The following USP29 variants were observed in gnomAD, a reference collection of about 807,000 sequenced individuals.
USP29 encodes ubiquitin carboxyl-terminal hydrolase 29.
For synonymous variants in USP29, 386 were observed against 387.4 expected, an observed-to-expected ratio of 1.00 and a Z score of 0.04; for missense variants, 1,102 against 1,069.0, an observed-to-expected ratio of 1.03 and a Z score of -0.43.
At chr19:57,120,366 T>A (rs954112016) in intron 1 of USP29, 137 bp downstream of exon 1, 3 of 151,298 alleles carry the variant, frequency 2.0e-5, no homozygotes, top group Non-Finnish European at 4.4e-5. Context: ...GCCTGTAGTG[T>A]CAGATAGTCA....
chr19:57,121,680 G>A (rs1456859553), intron 1 of USP29, among the ~76,000 whole-genome samples: 7 of 146,018 alleles, frequency 4.8e-5, no homozygotes. Flanking sequence ...ACTTACATAT[G>A]TTATATGTAC....
At chr19:57,124,591 C>G (rs1468859879) in intron 3 of USP29, among the ~76,000 whole-genome samples, 1 of 151,866 alleles carries the variant, frequency 6.6e-6, no homozygotes, top group Non-Finnish European at 1.5e-5. Context: ...TCACTGCAAC[C>G]TCCACCTCCA....
At position 57,129,909 on chromosome 19, in the gene USP29, G is replaced by A; in HGVS notation, c.1234G>A (p.Val412Ile). The change falls in exon 4 of 4, where the codon GTT becomes ATT. Residue 412 changes from valine to isoleucine, a missense_variant. Physicochemically the swap from Val to Ile is conservative, Grantham distance 29. Coordinates refer to ENST00000254181, the MANE Select transcript of USP29 (RefSeq NM_020903.3). ...TGAAAATTCATCTCCACAAATGCAT[G>A]TTGGTAGTGCTGCCACCAAAGTGTT... is the stretch of plus-strand genomic sequence containing the variant. ...GDENSSPQMH[V>I]GSAATKVFVC... 3.7e-6 allele frequency: 6 copies of A among 1,614,182 alleles called. No individual in the cohort carries two copies. The highest frequency in any genetic ancestry group is 5.1e-6 in the Non-Finnish European group (6 of 1,180,034).
rs757100716 is a variant in USP29 at position 57,124,427 on chromosome 19, G to A, written c.-17+288G>A. Among the ~76,000 whole-genome samples the A allele has an allele frequency of 5.5e-5, 8 of 146,014 alleles. No homozygotes were observed. In the East Asian group the frequency reaches 8.1e-4, roughly 15 times the overall value. The stretch of plus-strand genomic sequence containing the variant: ...TGCTAATTAGCTAGCACAACAACTC[G>A]CCATCTTACTCCTTTTCCTTACTCC... On this transcript the variant is annotated intron_variant, in intron 3 of 3. Coordinates refer to ENST00000254181, the MANE Select transcript of USP29 (RefSeq NM_020903.3).
chr19:57,120,813 A>AAAAAAG (rs2086791435), intron 1 of USP29, among the ~76,000 whole-genome samples: 1 of 144,788 alleles, frequency 6.9e-6, no homozygotes, highest in Non-Finnish European at 1.5e-5. Flanking sequence ...AAAAAAAAAA[A>AAAAAAG]CAGAAAAAAG....
In USP29 at chr19:57,129,892, C is replaced by T; in HGVS notation, c.1217C>T (p.Ser406Leu). 1 of 1,614,092 alleles carries T rather than the reference C, an allele frequency of 6.2e-7. No homozygotes were observed. Among genetic ancestry groups the T allele is most frequent in the Non-Finnish European group, 8.5e-7 (1 of 1,180,010 alleles). ...NTGKECGDEN[S>L]SPQMHVGSAA... Reference sequence around the variant, plus strand: ...GGGAAAGAATGTGGGGATGAAAATTCATCTCCACAAATGCATGTTGGTAGT... The same window carrying T: ...GGGAAAGAATGTGGGGATGAAAATTTATCTCCACAAATGCATGTTGGTAGT... Residue 406 changes from serine to leucine, a missense_variant, in exon 4 of 4, where the codon TCA (serine) becomes TTA (leucine). Coordinates refer to ENST00000254181, the MANE Select transcript of USP29 (RefSeq NM_020903.3).
chr19:57,131,078 G>C lies in USP29; in HGVS notation c.2403G>C (p.Glu801Asp), dbSNP rs762096945. ...NPGNKNILDA[E>D]NTRGEAKELT... is the part of the protein sequence containing the mutation. ...GAAACAAAAACATTTTAGATGCAGAGAACACAAGAGGTGAAGCCAAGGAAC... is the reference window on the plus strand; with the variant it reads ...GAAACAAAAACATTTTAGATGCAGACAACACAAGAGGTGAAGCCAAGGAAC... The change falls in exon 4 of 4, where the codon GAG becomes GAC. Residue 801 changes from glutamate (E) to aspartate (D), a missense_variant. By Grantham distance (45) the Glu-to-Asp change is conservative (BLOSUM62 2). Coordinates refer to ENST00000254181, the MANE Select transcript of USP29 (RefSeq NM_020903.3). 2.5e-6 allele frequency: 4 copies of C among 1,614,044 alleles called. No homozygotes were observed. The Admixed American group carries it at 5.0e-5, about 20-fold the overall frequency.
Position 57,130,745 on chromosome 19 carries a change from A to C in USP29, c.2070A>C (p.Glu690Asp), listed in dbSNP as rs372569854. The C allele has an allele frequency of 6.2e-7, 1 of 1,614,170 alleles. No individual in the cohort carries two copies. The highest frequency in any genetic ancestry group is 8.5e-7 in the Non-Finnish European group (1 of 1,180,032). ...VHLQEVPQHP[E>D]LQKYEKTNTF... The stretch of plus-strand genomic sequence containing the variant: ...TTCAAGAGGTGCCTCAACATCCAGA[A>C]CTTCAGAAGTATGAGAAAACCAATA... The change falls in exon 4 of 4, where the codon GAA (glutamate) becomes GAC (aspartate). Residue 690 changes from glutamate to aspartate, a missense_variant. Physicochemically the swap from Glu to Asp is conservative, Grantham distance 45. Coordinates refer to ENST00000254181, the MANE Select transcript of USP29 (RefSeq NM_020903.3).
chr19:57,130,123 A>C lies in USP29; in HGVS notation c.1448A>C (p.Glu483Ala). The change falls in exon 4 of 4, where the codon GAA (glutamate) becomes GCA (alanine). Residue 483 changes from glutamate (E) to alanine (A), a missense_variant. Glu to Ala is a moderately radical substitution (Grantham distance 107). Transcript: ENST00000254181. Reference protein sequence around the residue: ...LDLFFKEEELEYNCQMCKQKS... With the variant: ...LDLFFKEEELAYNCQMCKQKS... ...CTTTTCTTTAAAGAAGAAGAGCTTG[A>C]ATATAACTGTCAGATGTGTAAGCAG... 2 of 1,613,964 alleles carry C rather than the reference A, an allele frequency of 1.2e-6. No individual in the cohort carries two copies. The highest frequency in any genetic ancestry group is 1.7e-6 in the Non-Finnish European group (2 of 1,179,992).
chr19:57,128,570 A>G, intron 3 of USP29, 90 bp from the exon 4 acceptor site: 1 of 1,292,646 alleles, frequency 7.7e-7, no homozygotes, highest in Non-Finnish European at 1.0e-6. Flanking sequence ...GACTAAAAAT[A>G]AATCATTATT....
Position 57,129,193 on chromosome 19 carries a change from T to C in USP29, c.518T>C (p.Leu173Pro), listed in dbSNP as rs1332711587. 1.2e-6 allele frequency: 2 copies of C among 1,613,330 alleles called. No homozygotes were observed. Among genetic ancestry groups the C allele is most frequent in the Admixed American group, 3.3e-5 (2 of 59,910 alleles). ...CAAGGTGGGAAGGGGCAAAACACAC[T>C]ATCATCTGATGTACAGACAAATGAG... ...ENQGGKGQNT[L>P]SSDVQTNEDI... Residue 173 changes from leucine to proline, a missense_variant, in exon 4 of 4, where the codon CTA becomes CCA. Coordinates refer to ENST00000254181, the MANE Select transcript of USP29 (RefSeq NM_020903.3).
chr19:57,125,591 C>CT lies in USP29; in HGVS notation c.-17+1460dup, dbSNP rs957187452. Among the ~76,000 whole-genome samples, 9 of 151,680 alleles carry CT rather than the reference C, an allele frequency of 5.9e-5. No individual in the cohort carries two copies. The South Asian group carries it at 1.3e-3, about 21-fold the overall frequency. ...TCAGAGACTAGGATTGCAACCCATCCTTTTTTTTGCTTTCCATTTGCTTGG... is the reference window on the plus strand; with the variant it reads ...TCAGAGACTAGGATTGCAACCCATCCTTTTTTTTTGCTTTCCATTTGCTTGG... On this transcript the variant is annotated intron_variant, in intron 3 of 3. Coordinates refer to ENST00000254181, the MANE Select transcript of USP29 (RefSeq NM_020903.3).
chr19:57,128,790 G>T lies in USP29; in HGVS notation c.115G>T (p.Val39Leu), dbSNP rs1009892941. 8.7e-6 allele frequency: 14 copies of T among 1,614,036 alleles called. No homozygotes were observed. The highest frequency in any genetic ancestry group is 1.2e-5 in the Non-Finnish European group (14 of 1,179,988). Residue 39 changes from valine to leucine, a missense_variant, in exon 4 of 4, where the codon GTG (valine) becomes TTG (leucine). Transcript: ENST00000254181. ...GCAAAGACAAAAGGAAATTAAACTG[G>T]TGGTCACTTTCAAATCTGGAAAATT... ...TVQRQKEIKLVVTFKSGKFIR... is the reference protein window; with the variant it reads ...TVQRQKEIKLLVTFKSGKFIR...
At chr19:57,121,554 TTATA>T (rs200009878) in intron 1 of USP29, among the ~76,000 whole-genome samples, 4 of 140,100 alleles carry the variant, frequency 2.9e-5, no homozygotes, top group African/African-American at 1.1e-4. Flanking sequence ...CTATGTATAC[TTATA>T]TATGTTATAT....
intron 1 of USP29, among the ~76,000 whole-genome samples, chr19:57,121,423 A>G (rs911801764): frequency 1.6e-5 from 2 of 122,808 alleles, no homozygotes; most frequent in Non-Finnish European, 3.9e-5. Context: ...TATATGTTAT[A>G]TATACTTATG....
rs377280930 is a variant in USP29, at chr19:57,128,793, G to A, written c.118G>A (p.Val40Ile). Residue 40 changes from valine (V) to isoleucine (I), a missense_variant, in exon 4 of 4, where the codon GTC becomes ATC. Physicochemically the swap from Val to Ile is conservative, Grantham distance 29 (BLOSUM62 3). Transcript: ENST00000254181. ...VQRQKEIKLV[V>I]TFKSGKFIRI... is the part of the protein sequence containing the mutation. The stretch of plus-strand genomic sequence containing the variant: ...AAGACAAAAGGAAATTAAACTGGTG[G>A]TCACTTTCAAATCTGGAAAATTTAT... 136 of 1,613,888 alleles carry A rather than the reference G, an allele frequency of 8.4e-5. No homozygotes were observed. The highest frequency in any genetic ancestry group is 1.6e-5 in the Non-Finnish European group (19 of 1,179,994).
intron 3 of USP29, among the ~76,000 whole-genome samples, chr19:57,126,037 G>A (rs1467582596): frequency 1.3e-5 from 2 of 152,168 alleles, no homozygotes; most frequent in Non-Finnish European, 2.9e-5. Context: ...AGTTTGGCTG[G>A]ATATGAAATT....
At position 57,128,942 on chromosome 19, in the gene USP29, C is replaced by T. The variant is rs746495447; in HGVS notation, c.267C>T (p.Tyr89=). ...NVFLFIDKLS[Y]RDAKQLNMFL... ...TCTTGTTTATTGACAAATTATCCTA[C>T]AGAGATGCTAAACAGTTGAATATGT... Residue 89 remains tyrosine (Y), a synonymous_variant, in exon 4 of 4, where the codon TAC becomes TAT. Coordinates refer to ENST00000254181, the MANE Select transcript of USP29 (RefSeq NM_020903.3). 1 of 1,614,024 alleles carries T rather than the reference C, an allele frequency of 6.2e-7. No homozygotes were observed. Among genetic ancestry groups the T allele is most frequent in the South Asian group, 1.1e-5 (1 of 91,040 alleles).
At chr19:57,123,221 T>C (rs2086807030) in intron 2 of USP29, among the ~76,000 whole-genome samples, 1 of 152,182 alleles carries the variant, frequency 6.6e-6, no homozygotes, top group South Asian at 2.1e-4. Flanking sequence ...TTGAATATCA[T>C]ATGGTCACTT....
Sources: gnomAD v4.1 joint callset for allele counts (sites outside exome capture counted in the v4.1 genomes callset) on GRCh38, gnomAD v4.1.1 for gene constraint, MANE v1.5 for transcripts, NCBI Gene and HGNC (gene_info 2026-07-23, HGNC 2026-07-21) for gene names.